SANBR: variants seen among roughly 807,000 people sequenced by gnomAD.
The protein encoded by SANBR is SANT and BTB domain regulator of class switch recombination.
SANBR carries 77 observed loss-of-function variants against 101.8 expected under a neutral mutation model. The ratio of observed to expected loss-of-function variants is 0.76; its 90% confidence interval spans 0.63 to 0.91. The LOEUF (loss-of-function observed/expected upper bound fraction) is 0.91, where lower values mean the gene tolerates loss of function less well. SANBR is among the 40% of genes least tolerant of loss of function. The pLI is 0.00. For synonymous variants in SANBR, 279 were observed against 274.7 expected (o/e 1.02, Z -0.15); for missense variants, 875 against 853.0 (o/e 1.03, Z -0.32).
Position 61,135,901 on chromosome 2 carries a change from T to C in SANBR, c.*45-1563T>C, listed in dbSNP as rs896540222. 2.6e-5 allele frequency among the ~76,000 whole-genome samples: 4 copies of C among 152,244 alleles called. No homozygotes were observed. The East Asian group carries it at 7.7e-4, about 29-fold the overall frequency. On this transcript the variant is annotated intron_variant, in intron 21 of 21. Transcript: ENST00000295031. ...AATCTGATGCTCTTCAGTGCCAGAA[T>C]TGCCTGTTTTCAGAGTCATGCTTTT...
At chr2:61,070,660 CATAAATTTTATATATTATATATAGTAT>C (rs573052968) in intron 3 of SANBR, among the ~76,000 whole-genome samples, 160 bp downstream of exon 3, 3,470 of 147,092 alleles carry the variant, frequency 0.024, 46 homozygotes, top group African/African-American at 0.036. Flanking sequence ...ATGCAAATTA[CATAAATTTTATATATTATATATAGTAT>C]ATAAATTTTA....
intron 2 of SANBR, among the ~76,000 whole-genome samples, chr2:61,069,925 C>T (rs1278756298): frequency 8.5e-5 from 13 of 152,104 alleles, no homozygotes; most frequent in Admixed American, 7.9e-4. Context: ...CCATAGTATA[C>T]GTCTTGTGTG....
At chr2:61,090,196 G>C (rs575471981) in intron 10 of SANBR, among the ~76,000 whole-genome samples, 3 of 152,188 alleles carry the variant, frequency 2.0e-5, no homozygotes, top group South Asian at 4.1e-4. Context: ...TAAAAAAATA[G>C]GATGTTCACT....
At chr2:61,133,309 A>T (rs1214603106) in intron 20 of SANBR, among the ~76,000 whole-genome samples, 1 of 152,096 alleles carries the variant, frequency 6.6e-6, no homozygotes, top group African/African-American at 2.4e-5. Flanking sequence ...TGCATAATGG[A>T]TGTGTGCATA....
chr2:61,134,752 GGT>G (rs1320630951), intron 21 of SANBR, among the ~76,000 whole-genome samples: 1 of 152,024 alleles, frequency 6.6e-6, no homozygotes, highest in African/African-American at 2.4e-5. Context: ...ATTAGCTGGT[GGT>G]GTGGTGGCAC....
intron 11 of SANBR, 38 bp from the exon 12 acceptor site, chr2:61,097,662 G>A: frequency 1.4e-6 from 2 of 1,451,236 alleles, no homozygotes; most frequent in South Asian, 1.3e-5. Context: ...TAATTTTGTT[G>A]TGGAAATAGT....
chr2:61,090,304 C>G (rs888341694), intron 10 of SANBR: 2 of 152,144 alleles, frequency 1.3e-5, no homozygotes, highest in African/African-American at 4.8e-5. Context: ...ATTTATAGCA[C>G]ACACTGTTAT....
intron 12 of SANBR, among the ~76,000 whole-genome samples, chr2:61,100,141 G>A (rs1014813699): frequency 6.6e-6 from 1 of 152,204 alleles, no homozygotes; most frequent in Non-Finnish European, 1.5e-5. Context: ...GAGTCTCGCT[G>A]TTGCCCCGGC....
intron 4 of SANBR, 67 bp downstream of exon 4, chr2:61,071,859 A>G (rs566624508): frequency 5.2e-6 from 5 of 969,018 alleles, no homozygotes; most frequent in African/African-American, 3.4e-5. Flanking sequence ...ATATATTCCA[A>G]TCAACTTTTC....
chr2:61,104,921 T>C (rs1035265820), intron 13 of SANBR, among the ~76,000 whole-genome samples: 3 of 148,964 alleles, frequency 2.0e-5, no homozygotes, highest in Middle Eastern at 3.8e-3. Flanking sequence ...AACCAATTGA[T>C]TGTATCAATC....
chr2:61,125,678 A>G (rs1684493985), downstream of SANBR, among the ~76,000 whole-genome samples: 1 of 152,160 alleles, frequency 6.6e-6, no homozygotes, highest in South Asian at 2.1e-4. Context: ...AACACAGCCA[A>G]TTCTTACCAA....
intron 12 of SANBR, among the ~76,000 whole-genome samples, chr2:61,103,095 A>C (rs1272036472): frequency 6.6e-6 from 1 of 151,822 alleles, no homozygotes; most frequent in Non-Finnish European, 1.5e-5. Flanking sequence ...TTATTATTAC[A>C]TGAAATAACA....
downstream of SANBR, among the ~76,000 whole-genome samples, chr2:61,129,228 G>C (rs1286024966): frequency 6.6e-6 from 1 of 152,118 alleles, no homozygotes; most frequent in African/African-American, 2.4e-5. Context: ...TGGGTCACCT[G>C]AGGTCAGGAG....
At chr2:61,105,337 G>A (rs1231789300) in intron 13 of SANBR, among the ~76,000 whole-genome samples, 1 of 151,680 alleles carries the variant, frequency 6.6e-6, no homozygotes, top group East Asian at 2.0e-4. Context: ...CTGCATTCCA[G>A]CCTGGGTGAC....
At chr2:61,076,513 A>T (rs1323711666) in intron 5 of SANBR, among the ~76,000 whole-genome samples, 1 of 149,726 alleles carries the variant, frequency 6.7e-6, no homozygotes. Context: ...CTGTAGTCCC[A>T]GCTACTCAGG....
intron 16 of SANBR, among the ~76,000 whole-genome samples, chr2:61,115,269 T>C (rs543513374): frequency 5.3e-5 from 8 of 152,054 alleles, no homozygotes; most frequent in Admixed American, 2.6e-4. Flanking sequence ...GTTTTGATAA[T>C]TTCTGTCTTT....
At chr2:61,076,295 A>T (rs1345265417) in intron 5 of SANBR, among the ~76,000 whole-genome samples, 1 of 150,078 alleles carries the variant, frequency 6.7e-6, no homozygotes, top group Non-Finnish European at 1.5e-5. Flanking sequence ...GTGCGGCCAT[A>T]AACTTTATTT....
At chr2:61,108,731 A>G (rs1221063031) in intron 15 of SANBR, among the ~76,000 whole-genome samples, 1 of 152,088 alleles carries the variant, frequency 6.6e-6, no homozygotes, top group Admixed American at 6.5e-5. Flanking sequence ...CAAGAATGGA[A>G]CAGGAATTTG....
chr2:61,066,287 G>C (rs1433152533), intron 1 of SANBR: 1 of 152,724 alleles, frequency 6.5e-6, no homozygotes, highest in Admixed American at 6.5e-5. Flanking sequence ...GGGAACCCCA[G>C]CTTCTGCGCG....
Sources: gnomAD v4.1 joint callset for allele counts (sites outside exome capture counted in the v4.1 genomes callset) on GRCh38, gnomAD v4.1.1 for gene constraint, MANE v1.5 for transcripts, NCBI Gene and HGNC (gene_info 2026-07-23, HGNC 2026-07-21) for gene names.